SESN1: variants seen among roughly 807,000 people sequenced by gnomAD.
SESN1 encodes the protein sestrin-1.
In SESN1, 30 loss-of-function variants were observed where a neutral mutation model predicts 59.3. The ratio of observed to expected loss-of-function variants is 0.51; its 90% CI spans 0.38 to 0.69. The LOEUF is 0.69. SESN1 is among the 30% of genes least tolerant of loss of function. The pLI is 0.00. For synonymous variants in SESN1, 197 were observed against 219.9 expected (o/e 0.90, Z 0.92); for missense variants, 566 against 673.0 (o/e 0.84, Z 1.76).
At chr6:108,998,382 AATAG>A (rs1167925416) in intron 5 of SESN1, 127 bp downstream of exon 5, 1 of 1,001,152 alleles carries the variant, frequency 1.0e-6, no homozygotes, top group African/African-American at 1.6e-5. Context: ...CTACTGAATG[AATAG>A]ATATAGGGGC....
intron 1 of SESN1, among the ~76,000 whole-genome samples, chr6:109,008,191 C>G (rs756539024): frequency 6.6e-6 from 1 of 152,114 alleles, no homozygotes; most frequent in Non-Finnish European, 1.5e-5. Context: ...GAGCAAGAAC[C>G]AGGACTCTGC....
intron 1 of SESN1, among the ~76,000 whole-genome samples, chr6:109,022,360 A>G (rs887401287): frequency 7.0e-6 from 1 of 143,692 alleles, no homozygotes. Context: ...TTTCGATTTG[A>G]TATTAATAGA....
At chr6:109,035,275 G>A (rs968349328) in intron 1 of SESN1, among the ~76,000 whole-genome samples, 5 of 152,094 alleles carry the variant, frequency 3.3e-5, no homozygotes, top group Admixed American at 1.3e-4. Context: ...CATCTAGTGT[G>A]TGTTAGATGC....
At chr6:109,033,786 A>G (rs1780216403) in intron 1 of SESN1, among the ~76,000 whole-genome samples, 1 of 152,234 alleles carries the variant, frequency 6.6e-6, no homozygotes, top group South Asian at 2.1e-4. Flanking sequence ...CCATCTGGAC[A>G]GAAGAAATAT....
At chr6:109,048,185 C>T in intron 1 of SESN1, among the ~76,000 whole-genome samples, 1 of 152,092 alleles carries the variant, frequency 6.6e-6, no homozygotes, top group Admixed American at 6.6e-5. Context: ...TTCACAAATG[C>T]CCTCCCTTAA....
chr6:109,011,623 ATTT>A (rs954867578), intron 1 of SESN1, among the ~76,000 whole-genome samples: 1 of 148,936 alleles, frequency 6.7e-6, no homozygotes, highest in South Asian at 2.1e-4. Flanking sequence ...TATTTTTAAA[ATTT>A]TTTTTCTTTT....
chr6:108,994,412 A>T, intron 6 of SESN1, 50 bp downstream of exon 6: 1 of 1,481,462 alleles, frequency 6.8e-7, no homozygotes, highest in East Asian at 2.3e-5. Context: ...TCTCTAAATA[A>T]AAAGTTGAGT....
intron 1 of SESN1, 114 bp from the exon 2 acceptor site, chr6:109,002,457 G>A: frequency 1.3e-6 from 1 of 789,406 alleles, no homozygotes; most frequent in East Asian, 2.7e-5. Flanking sequence ...TGTTTTGATG[G>A]TTTGTTTTCA....
intron 1 of SESN1, among the ~76,000 whole-genome samples, chr6:109,045,997 C>T (rs913255963): frequency 1.3e-5 from 2 of 152,128 alleles, no homozygotes; most frequent in African/African-American, 4.8e-5. Context: ...AATGAAAAAC[C>T]AATGCCTCAA....
intron 8 of SESN1, 69 bp downstream of exon 8, chr6:108,990,576 C>A: frequency 3.6e-6 from 5 of 1,373,592 alleles, no homozygotes; most frequent in Non-Finnish European, 5.2e-6. Context: ...TGTGCATGTG[C>A]GCTCCAAGCA....
At chr6:109,018,032 T>C (rs917596448) in intron 1 of SESN1, among the ~76,000 whole-genome samples, 11 of 152,036 alleles carry the variant, frequency 7.2e-5, no homozygotes, top group African/African-American at 2.7e-4. Context: ...GAAGAAGAAA[T>C]AGCAAAAATA....
At chr6:109,041,524 AT>A (rs147583431) in intron 1 of SESN1, among the ~76,000 whole-genome samples, 24,687 of 152,012 alleles carry the variant, frequency 0.16, 2,504 homozygotes, top group Non-Finnish European at 0.23. Context: ...GTTTTACTAC[AT>A]TTTTTGAAAA....
chr6:109,020,436 G>A (rs889439868), intron 1 of SESN1, among the ~76,000 whole-genome samples: 1 of 152,104 alleles, frequency 6.6e-6, no homozygotes, highest in African/African-American at 2.4e-5. Context: ...CTTGCTGTGG[G>A]TAGAAAATAA....
intron 1 of SESN1, among the ~76,000 whole-genome samples, chr6:109,058,981 C>A (rs1024387913): frequency 6.6e-6 from 1 of 152,090 alleles, no homozygotes; most frequent in African/African-American, 2.4e-5. Context: ...AGAGAATAAA[C>A]CTTCTGCTGT....
At chr6:109,083,127 T>C (rs1562476848) in intron 1 of SESN1, among the ~76,000 whole-genome samples, 1 of 152,244 alleles carries the variant, frequency 6.6e-6, no homozygotes, top group African/African-American at 2.4e-5. Flanking sequence ...TGTCATCTCT[T>C]AATTTTTAGA....
chr6:108,989,523 A>C, intron 8 of SESN1, among the ~76,000 whole-genome samples: 1 of 148,672 alleles, frequency 6.7e-6, no homozygotes, highest in South Asian at 2.1e-4. Context: ...ATATAGAGAG[A>C]TATCTATAGA....
At chr6:109,045,617 T>C (rs1415951361) in intron 1 of SESN1, among the ~76,000 whole-genome samples, 5 of 152,162 alleles carry the variant, frequency 3.3e-5, no homozygotes. Flanking sequence ...TCAACTGGCC[T>C]CTCCTTAGTC....
intron 1 of SESN1, among the ~76,000 whole-genome samples, chr6:109,093,347 T>A (rs1188110348): frequency 6.6e-6 from 1 of 152,200 alleles, no homozygotes; most frequent in Non-Finnish European, 1.5e-5. Context: ...AGAGGTTGCA[T>A]TTAGAGAACA....
At chr6:109,012,282 G>A (rs190461550) in intron 1 of SESN1, among the ~76,000 whole-genome samples, 5 of 148,352 alleles carry the variant, frequency 3.4e-5, no homozygotes, top group African/African-American at 1.2e-4. Context: ...TCGCTCTGTC[G>A]CCCAGGCTGG....
Sources: gnomAD v4.1 joint callset for allele counts (sites outside exome capture counted in the v4.1 genomes callset) on GRCh38, gnomAD v4.1.1 for gene constraint, MANE v1.5 for transcripts, NCBI Gene and HGNC (gene_info 2026-07-23, HGNC 2026-07-21) for gene names.